SYT3: variants seen among roughly 807,000 people sequenced by gnomAD.
SYT3 encodes synaptotagmin-3.
Under a neutral mutation model 50.6 loss-of-function variants are expected in SYT3, and 25 were observed. The ratio of observed to expected loss-of-function variants is 0.49; its 90% CI spans 0.36 to 0.69. The LOEUF (loss-of-function observed/expected upper bound fraction) is 0.69, where lower values mean the gene tolerates loss of function less well. Ranked by LOEUF, SYT3 falls within the 30% of genes least tolerant of loss-of-function variation. SYT3 has a pLI of 0.00. For missense variants in SYT3, 589 were observed against 793.6 expected, an observed-to-expected ratio of 0.74 and a Z score of 3.10; for synonymous variants, 323 against 353.9, an observed-to-expected ratio of 0.91 and a Z score of 0.98.
In SYT3 at chr19:50,637,369, T is replaced by C. The variant is rs746144697; in HGVS notation, c.43A>G (p.Ile15Val). 1.2e-6 allele frequency: 2 copies of C among 1,610,208 alleles called. No homozygotes were observed. The highest frequency in any genetic ancestry group is 3.3e-5 in the Admixed American group (2 of 59,962). Residue 15 changes from isoleucine (I) to valine (V), a missense_variant, in exon 3 of 11, where the codon ATC becomes GTC. By Grantham distance (29) the Ile-to-Val change is conservative. Around this residue, in one of 2 missense-constraint regions of SYT3, gnomAD observed 316 missense variants for 354.3 expected, o/e 0.89. Coordinates refer to ENST00000600079, the MANE Select transcript of SYT3 (RefSeq NM_001160329.2). This position sits in a 1 kb window ranked among gnomAD's most constrained non-coding sequence, Gnocchi z 4.9. ...YEDDLCRRAL[I>V]LVSDLCARVR... is the part of the protein sequence containing the mutation. Reference sequence around the variant, plus strand: ...CGCGCACAGAGGTCCGAGACCAGGATGAGTGCCCGCCGGCAGAGGTCATCC... The same window carrying C: ...CGCGCACAGAGGTCCGAGACCAGGACGAGTGCCCGCCGGCAGAGGTCATCC...
At chr19:50,638,974 T>TG (rs3840926) in intron 2 of SYT3, 51 bp downstream of exon 2, 17,880 of 152,358 alleles carry the variant, frequency 0.12, 1,390 homozygotes, top group Admixed American at 0.19. Context: ...ACAGGTGTCG[T>TG]GGGGGTGCTG....
chr19:50,622,652 AC>A (rs1983893370), intron 10 of SYT3, 34 bp downstream of exon 10: 4 of 1,135,256 alleles, frequency 3.5e-6, no homozygotes, highest in East Asian at 2.3e-5. Flanking sequence ...AGGCATCTCC[AC>A]CCCCAGCCCC....
chr19:50,639,005 A>T lies in SYT3; in HGVS notation c.-16+20T>A, dbSNP rs1157048251. 6.5e-6 allele frequency: 1 copy of T among 152,844 alleles called. No homozygotes were observed. The highest frequency in any genetic ancestry group is 2.4e-5 in the African/African-American group (1 of 41,448). 9.5% of individuals were successfully genotyped at this position (152,844 alleles called of 1,614,324 possible). On this transcript the variant is annotated intron_variant, in intron 2 of 10. Transcript: ENST00000600079. The surrounding 1 kb of genome is among the most constrained non-coding windows in gnomAD (Gnocchi z 4.6). ...TGCTGCAGAAGGCCAGGACTCCAAG[A>T]CAGGCATGGCCACACTCACCTGCGC...
intron 6 of SYT3, 33 bp downstream of exon 6, chr19:50,629,261 G>A: frequency 6.5e-7 from 1 of 1,546,146 alleles, no homozygotes; most frequent in Non-Finnish European, 8.8e-7. Flanking sequence ...CAGGGCCCTG[G>A]GAAGGGGAAG....
the SYT3 span, chr19:50,657,967 G>T: frequency 6.6e-7 from 1 of 1,514,854 alleles, no homozygotes; most frequent in Non-Finnish European, 8.8e-7. Context: ...ACGGGCTGAG[G>T]TTCTCTCTCC....
chr19:50,653,147 C>T, the SYT3 span, among the ~76,000 whole-genome samples: 1 of 152,110 alleles, frequency 6.6e-6, no homozygotes, highest in Non-Finnish European at 1.5e-5. Context: ...AAGCAATTCT[C>T]CTGCCTCAGC....
At chr19:50,656,469 C>T in the SYT3 span, 7 of 1,302,752 alleles carry the variant, frequency 5.4e-6, no homozygotes, top group Admixed American at 8.4e-5. Flanking sequence ...TGTGGGCTTG[C>T]CACCAGGACA....
rs1472346395 is a variant in SYT3 at position 50,625,656 on chromosome 19, C to T, written c.1403-92G>A. The T allele has an allele frequency of 6.8e-7, 1 of 1,467,274 alleles. No individual in the cohort carries two copies. The highest frequency in any genetic ancestry group is 1.4e-5 in the African/African-American group (1 of 69,966). 90.9% of individuals were successfully genotyped at this position (1,467,274 alleles called of 1,614,324 possible). On this transcript the variant is annotated intron_variant, in intron 7 of 10. Coordinates refer to ENST00000600079, the MANE Select transcript of SYT3 (RefSeq NM_001160329.2). This position sits in a 1 kb window ranked among gnomAD's most constrained non-coding sequence, Gnocchi z 7.5. ...GCCCCGAGCCCCTCCTCCCTCAGAC[C>T]CAGAGGTCCGGGGCCCCAGGCCCCC...
intron 4 of SYT3, 97 bp from the exon 5 acceptor site, chr19:50,630,268 T>G: frequency 9.6e-6 from 12 of 1,249,252 alleles, no homozygotes; most frequent in South Asian, 7.1e-5. Flanking sequence ...TTTCCCCCCA[T>G]CCCCCAGCCA....
Position 50,630,047 on chromosome 19 carries a change from T to C in SYT3, c.799A>G (p.Ile267Val), listed in dbSNP as rs778249706. The change falls in exon 5 of 11, where the codon ATT (isoleucine) becomes GTT (valine). Residue 267 changes from isoleucine (I) to valine (V), a missense_variant. Ile to Val is a conservative substitution (Grantham distance 29, BLOSUM62 3). This residue lies in a region of SYT3 where 316 missense variants were observed against 354.3 expected (regional missense o/e 0.89). Coordinates refer to ENST00000600079, the MANE Select transcript of SYT3 (RefSeq NM_001160329.2). ...LPGGEEKAKL[I>V]GQIKPELYQG... ...TACAGCTCTGGCTTAATCTGCCCAA[T>C]GAGTTTGGCTTTTTCCTCGCCTCCA... The C allele has an allele frequency of 6.2e-7, 1 of 1,613,746 alleles. No homozygotes were observed.
upstream of SYT3, among the ~76,000 whole-genome samples, chr19:50,643,654 C>T (rs937487641): frequency 2.6e-5 from 4 of 151,770 alleles, no homozygotes; most frequent in South Asian, 4.1e-4. Context: ...TCATTCAACT[C>T]GATTCATGCA....
chr19:50,625,767 CTCA>C lies in SYT3; in HGVS notation c.1402+127_1402+129del. On this transcript the variant is annotated intron_variant, in intron 7 of 10. Transcript: ENST00000600079. The surrounding 1 kb of genome is among the most constrained non-coding windows in gnomAD (Gnocchi z 7.5). ...AGTCCAGGCCCCTGGCCCCTCCTCC[CTCA>C]GACCCAGGAGTCCAGATCCCCAGCT... The C allele has an allele frequency of 2.1e-5, 16 of 776,432 alleles. 1 individual carries two copies. Among genetic ancestry groups the C allele is most frequent in the Non-Finnish European group, 2.2e-5 (11 of 496,390 alleles). 48.1% of individuals were successfully genotyped at this position (776,432 alleles called of 1,614,324 possible).
chr19:50,643,223 T>C (rs1984707353), upstream of SYT3, among the ~76,000 whole-genome samples: 1 of 151,900 alleles, frequency 6.6e-6, no homozygotes, highest in Non-Finnish European at 1.5e-5. Flanking sequence ...ATACAAAATT[T>C]AGCCGGGCAT....
intron 6 of SYT3, among the ~76,000 whole-genome samples, chr19:50,628,840 T>TC (rs1443528064): frequency 3.4e-4 from 52 of 151,184 alleles, no homozygotes; most frequent in Admixed American, 2.9e-3. Flanking sequence ...TTTTTTTTTT[T>TC]TGAGACGGAG....
Position 50,630,188 on chromosome 19 carries a change from G to T in SYT3, c.675-17C>A. Reference sequence around the variant, plus strand: ...GCTGGGTACCTGTAGGGGGTTGGGGGGAGACCAAGGTGAGGTCAGTGGCTC... The same window carrying T: ...GCTGGGTACCTGTAGGGGGTTGGGGTGAGACCAAGGTGAGGTCAGTGGCTC... On this transcript the variant is annotated splice_polypyrimidine_tract_variant and intron_variant, in intron 4 of 10. Transcript: ENST00000600079. 6.7e-7 allele frequency: 1 copy of T among 1,500,822 alleles called. No homozygotes were observed. The highest frequency in any genetic ancestry group is 8.9e-7 in the Non-Finnish European group (1 of 1,125,516). The allele number at this position is 1,500,822 out of a possible 1,614,324, so 93.0% of individuals were successfully genotyped here. A position where few individuals can be genotyped will look rare whatever the true frequency, so the allele number is the denominator to read the frequency against.
Position 50,637,456 on chromosome 19 carries a change from C to A in SYT3, c.-15-30G>T. The A allele has an allele frequency of 6.4e-7, 1 of 1,560,256 alleles. No individual in the cohort carries two copies. The highest frequency in any genetic ancestry group is 8.7e-7 in the Non-Finnish European group (1 of 1,148,524). On this transcript the variant is annotated intron_variant, in intron 2 of 10. Coordinates refer to ENST00000600079, the MANE Select transcript of SYT3 (RefSeq NM_001160329.2). This position sits in a 1 kb window ranked among gnomAD's most constrained non-coding sequence, Gnocchi z 4.9. ...GTGTGGGAGGGATGGGGCAAGGGTG[C>A]AGATGGGAAACAGAATGGGAGTGCA...
chr19:50,640,780 G>A (rs1984650591), upstream of SYT3, among the ~76,000 whole-genome samples: 1 of 152,240 alleles, frequency 6.6e-6, no homozygotes, highest in Non-Finnish European at 1.5e-5. Context: ...ACAAATTTGT[G>A]TTGTGCCGCA....
rs1393443618 is a variant in SYT3, at chr19:50,639,634, T to C, written c.-154+156A>G. Reference sequence around the variant, plus strand: ...ACCCCCTTCCAGGGCCACGTGCCCCTCCCCCGGGGTGGCCAGAGAGCGCTG... The same window carrying C: ...ACCCCCTTCCAGGGCCACGTGCCCCCCCCCCGGGGTGGCCAGAGAGCGCTG... On this transcript the variant is annotated intron_variant, in intron 1 of 10. Coordinates refer to ENST00000600079, the MANE Select transcript of SYT3 (RefSeq NM_001160329.2). The surrounding 1 kb of genome is among the most constrained non-coding windows in gnomAD (Gnocchi z 4.6). Among the ~76,000 whole-genome samples the C allele has an allele frequency of 6.6e-6, 1 of 151,030 alleles. No homozygotes were observed. The highest frequency in any genetic ancestry group is 2.4e-5 in the African/African-American group (1 of 41,044).
the SYT3 span, among the ~76,000 whole-genome samples, chr19:50,647,507 G>C: frequency 6.6e-6 from 1 of 151,558 alleles, no homozygotes; most frequent in African/African-American, 2.4e-5. Flanking sequence ...GCAACACGGT[G>C]AGACTCCATC....
Sources: gnomAD v4.1 joint callset for allele counts (sites outside exome capture counted in the v4.1 genomes callset) on GRCh38, gnomAD v4.1.1 for gene constraint, gnomAD v4.1.1 regional missense constraint, Gnocchi (gnomAD v3.1) non-coding constraint, MANE v1.5 for transcripts, NCBI Gene and HGNC (gene_info 2026-07-23, HGNC 2026-07-21) for gene names.